SORCS2: variants seen among roughly 807,000 people sequenced by gnomAD.
SORCS2 encodes sortilin related VPS10 domain containing receptor 2.
Under a neutral mutation model 141.6 loss-of-function variants are expected in SORCS2, and 100 were observed. That is an observed-to-expected ratio of 0.71 (90% CI 0.60 to 0.83). SORCS2 has a LOEUF of 0.83. SORCS2 is among the 40% of genes least tolerant of loss of function. The pLI, the probability that SORCS2 is intolerant of heterozygous loss-of-function variation, is 0.00. For missense variants in SORCS2, 1,646 were observed against 1,560.2 expected (o/e 1.05, Z -0.93); for synonymous variants, 789 against 676.9 (o/e 1.17, Z -2.57).
Position 7,740,523 on chromosome 4 carries a change from C to G in SORCS2, c.*259C>G, listed in dbSNP as rs576443861. 3.2e-5 allele frequency: 17 copies of G among 538,150 alleles called. No homozygotes were observed. The highest frequency in any genetic ancestry group is 2.6e-4 in the South Asian group (12 of 45,818). The allele number at this position is 538,150 out of a possible 1,614,324, so 33.3% of individuals were successfully genotyped here. On this transcript the variant is annotated 3_prime_UTR_variant, in exon 27 of 27. Coordinates refer to ENST00000507866, the MANE Select transcript of SORCS2 (RefSeq NM_020777.3). ...CCTGACTCAGGCAGGTTCTGCCCCC[C>G]AGACCCCACACACGGCCGCCCCACG...
intron 1 of SORCS2, among the ~76,000 whole-genome samples, chr4:7,226,627 A>G (rs1049088343): frequency 9.9e-5 from 15 of 152,068 alleles, no homozygotes; most frequent in Non-Finnish European, 1.6e-4. Context: ...GAGGCCACTA[A>G]TCCAGACCGC....
Position 7,733,339 on chromosome 4 carries a change from G to A in SORCS2, c.3126G>A (p.Gln1042=), listed in dbSNP as rs778286702. ...GCTTGCAGAGGCTCGCCGCCATCCA[G>A]CAGGTGCTGAACGCACAGAAGATCA... is the stretch of plus-strand genomic sequence containing the variant. ...LSSDKRLAAI[Q]QVLNAQKISF... Residue 1042 remains glutamine (Q), a synonymous_variant, in exon 24 of 27, where the codon CAG becomes CAA. Coordinates refer to ENST00000507866, the MANE Select transcript of SORCS2 (RefSeq NM_020777.3). The A allele has an allele frequency of 6.4e-7, 1 of 1,558,794 alleles. No individual in the cohort carries two copies. Among genetic ancestry groups the A allele is most frequent in the Non-Finnish European group, 8.7e-7 (1 of 1,153,288 alleles).
intron 2 of SORCS2, among the ~76,000 whole-genome samples, chr4:7,456,087 C>T (rs753650162): frequency 7.2e-5 from 11 of 152,172 alleles, no homozygotes; most frequent in Non-Finnish European, 1.6e-4. Flanking sequence ...TGTGTCCTCA[C>T]GTGGTCGTCC....
intron 2 of SORCS2, among the ~76,000 whole-genome samples, chr4:7,517,341 T>C (rs911924789): frequency 6.6e-6 from 1 of 152,212 alleles, no homozygotes; most frequent in African/African-American, 2.4e-5. Context: ...TTTGTGTTAA[T>C]TGTGTCTTAT....
chr4:7,313,032 A>C (rs1188523657), intron 1 of SORCS2, among the ~76,000 whole-genome samples: 1 of 152,158 alleles, frequency 6.6e-6, no homozygotes, highest in East Asian at 1.9e-4. Context: ...GCCTGCGAGG[A>C]CTGGGGGTCC....
At chr4:7,569,150 C>T (rs1403156316) in intron 3 of SORCS2, among the ~76,000 whole-genome samples, 9 of 152,208 alleles carry the variant, frequency 5.9e-5, no homozygotes, top group Admixed American at 5.9e-4. Flanking sequence ...CTTGGGCCAC[C>T]TCCCAGGCAG....
intron 3 of SORCS2, among the ~76,000 whole-genome samples, chr4:7,548,363 T>C (rs1713429219): frequency 6.6e-6 from 1 of 152,158 alleles, no homozygotes; most frequent in African/African-American, 2.4e-5. Context: ...AGGTCTGCCA[T>C]CCACTTTGGT....
rs920908971 is a variant in SORCS2, at chr4:7,291,606, G to C, written c.480+98480G>C. On this transcript the variant is annotated intron_variant, in intron 1 of 26. Transcript: ENST00000507866. ...TGCCTCAGCGTGAGCGTCAGTGCTC[G>C]GTCAACTGCACGGCTGGGTCAGGGC... Among the ~76,000 whole-genome samples, 9 of 152,160 alleles carry C rather than the reference G, an allele frequency of 5.9e-5. No homozygotes were observed. The South Asian group carries it at 1.0e-3, about 18-fold the overall frequency.
chr4:7,461,490 A>C (rs1729307581), intron 2 of SORCS2, among the ~76,000 whole-genome samples: 1 of 152,240 alleles, frequency 6.6e-6, no homozygotes, highest in African/African-American at 2.4e-5. Context: ...CGCGAGCAAC[A>C]TGTGTACATG....
In SORCS2 at chr4:7,427,334, A is replaced by G. The variant is rs1268286078; in HGVS notation, c.548+30979A>G. 6.6e-5 allele frequency among the ~76,000 whole-genome samples: 10 copies of G among 152,160 alleles called. No homozygotes were observed. The East Asian group carries it at 9.6e-4, about 15-fold the overall frequency. On this transcript the variant is annotated intron_variant, in intron 2 of 26. Transcript: ENST00000507866. ...GCCAGACTCTAAATGTGATCTAAGCATAGGCCTGGGGCCTCGGGCAAGAGC... is the reference window on the plus strand; with the variant it reads ...GCCAGACTCTAAATGTGATCTAAGCGTAGGCCTGGGGCCTCGGGCAAGAGC...
intron 3 of SORCS2, among the ~76,000 whole-genome samples, chr4:7,563,104 G>T (rs1714720762): frequency 6.6e-6 from 1 of 152,132 alleles, no homozygotes; most frequent in African/African-American, 2.4e-5. Context: ...GTGGATGGGA[G>T]TCTGCTGACC....
intron 3 of SORCS2, among the ~76,000 whole-genome samples, chr4:7,591,321 A>G (rs1189989404): frequency 2.6e-5 from 4 of 152,192 alleles, no homozygotes; most frequent in South Asian, 2.1e-4. Flanking sequence ...GCCAGAACCT[A>G]CAAGCTGTCC....
At chr4:7,322,961 C>T (rs555561868) in intron 1 of SORCS2, among the ~76,000 whole-genome samples, 36 of 84,922 alleles carry the variant, frequency 4.2e-4, no homozygotes, top group African/African-American at 4.8e-4. Context: ...GCCTTGAGGA[C>T]GGCCCTGCCC....
At chr4:7,328,255 T>TG (rs1306933729) in intron 1 of SORCS2, among the ~76,000 whole-genome samples, 1 of 151,394 alleles carries the variant, frequency 6.6e-6, no homozygotes, top group Non-Finnish European at 1.5e-5. Flanking sequence ...AGGCTGGTCT[T>TG]GAACTCCTGG....
intron 2 of SORCS2, among the ~76,000 whole-genome samples, chr4:7,491,450 C>T (rs1291932069): frequency 6.6e-6 from 1 of 152,256 alleles, no homozygotes; most frequent in Non-Finnish European, 1.5e-5. Flanking sequence ...AGCGGCTGCA[C>T]TTTTCATGCT....
At chr4:7,381,666 C>G (rs575588842) in intron 1 of SORCS2, among the ~76,000 whole-genome samples, 251 of 152,328 alleles carry the variant, frequency 1.6e-3, no homozygotes, top group African/African-American at 5.7e-3. Context: ...AACAATTTCC[C>G]AGAAGAGCAG....
At chr4:7,472,124 G>A (rs982219812) in intron 2 of SORCS2, among the ~76,000 whole-genome samples, 2 of 152,234 alleles carry the variant, frequency 1.3e-5, no homozygotes, top group Non-Finnish European at 2.9e-5. Flanking sequence ...GGAGTGCTCT[G>A]TGCTGTTAGC....
chr4:7,306,096 C>T (rs977934910), intron 1 of SORCS2, among the ~76,000 whole-genome samples: 5 of 152,206 alleles, frequency 3.3e-5, no homozygotes, highest in East Asian at 3.8e-4. Flanking sequence ...GGCAGGGTCC[C>T]GGTGCTCTGT....
chr4:7,397,423 C>T (rs146643133), intron 2 of SORCS2, among the ~76,000 whole-genome samples: 2 of 152,102 alleles, frequency 1.3e-5, no homozygotes, highest in African/African-American at 2.4e-5. Flanking sequence ...GAGTAGTCCT[C>T]AGCCGCTCCC....
Sources: allele counts gnomAD v4.1 joint callset (sites outside exome capture counted in the v4.1 genomes callset), GRCh38; gene constraint gnomAD v4.1.1; transcripts MANE v1.5; gene names NCBI Gene and HGNC (gene_info 2026-07-23, HGNC 2026-07-21).